MAGI2: variants seen among roughly 807,000 people sequenced by gnomAD.
MAGI2 encodes membrane associated guanylate kinase, WW and PDZ domain containing 2.
A neutral mutation model predicts 133.3 loss-of-function variants in MAGI2; 35 were observed. The ratio of observed to expected loss-of-function variants is 0.26; its 90% CI spans 0.20 to 0.35. The LOEUF (loss-of-function observed/expected upper bound fraction) is 0.35, where lower values mean the gene tolerates loss of function less well. Ranked by LOEUF, MAGI2 falls within the 10% of genes least tolerant of loss-of-function variation. MAGI2 has a pLI of 1.00. For synonymous variants in MAGI2, 729 were observed against 710.6 expected, an observed-to-expected ratio of 1.03 and a Z score of -0.41; for missense variants, 1,636 against 1,863.4, an observed-to-expected ratio of 0.88 and a Z score of 2.25.
chr7:78,344,877 A>C (rs971322336), intron 8 of MAGI2, among the ~76,000 whole-genome samples: 15 of 152,238 alleles, frequency 9.9e-5, no homozygotes, highest in Non-Finnish European at 4.4e-5. Flanking sequence ...TTAAAAAATA[A>C]TAGTCATACT....
chr7:79,437,885 C>T (rs1848250923), intron 1 of MAGI2, among the ~76,000 whole-genome samples: 1 of 152,052 alleles, frequency 6.6e-6, no homozygotes, highest in Non-Finnish European at 1.5e-5. Context: ...GAATCAATTC[C>T]ATATGCTACC....
chr7:78,742,036 G>T (rs1329248458), intron 2 of MAGI2, among the ~76,000 whole-genome samples: 3 of 151,802 alleles, frequency 2.0e-5, no homozygotes, highest in Admixed American at 2.0e-4. Flanking sequence ...CAGTAATCAG[G>T]ATCTGGAAAG....
At chr7:78,259,977 A>G (rs765253907) in intron 9 of MAGI2, among the ~76,000 whole-genome samples, 5 of 152,128 alleles carry the variant, frequency 3.3e-5, no homozygotes, top group Non-Finnish European at 7.4e-5. Flanking sequence ...ACTAACAGCA[A>G]TTTTTCAAGT....
intron 3 of MAGI2, among the ~76,000 whole-genome samples, chr7:78,593,318 G>T (rs1432693631): frequency 6.6e-6 from 1 of 151,990 alleles, no homozygotes; most frequent in African/African-American, 2.4e-5. Flanking sequence ...CGTGAACCCG[G>T]GAGGCGGAGC....
At chr7:78,274,193 TC>T (rs368184470) in intron 9 of MAGI2, among the ~76,000 whole-genome samples, 1 of 152,196 alleles carries the variant, frequency 6.6e-6, no homozygotes, top group African/African-American at 2.4e-5. Context: ...ACAGTCAGGA[TC>T]CTCTGCTGCA....
chr7:79,237,271 G>A lies in MAGI2; in HGVS notation c.301+215749C>T, dbSNP rs973805418. ...AGCACTTTGGGAGGCCGAGGCGGTGGATCACGAGGTCAGGCGATCAAGACC... is the reference window on the plus strand; with the variant it reads ...AGCACTTTGGGAGGCCGAGGCGGTGAATCACGAGGTCAGGCGATCAAGACC... On this transcript the variant is annotated intron_variant, in intron 1 of 21. Transcript: ENST00000354212. Among the ~76,000 whole-genome samples, 3 of 152,150 alleles carry A rather than the reference G, an allele frequency of 2.0e-5. No individual in the cohort carries two copies. The East Asian group carries it at 5.8e-4, about 29-fold the overall frequency.
At chr7:79,132,051 C>A (rs1365680336) in intron 1 of MAGI2, among the ~76,000 whole-genome samples, 1 of 152,048 alleles carries the variant, frequency 6.6e-6, no homozygotes, top group Non-Finnish European at 1.5e-5. Flanking sequence ...ACAAATAATA[C>A]TTTAAAACCC....
At chr7:78,704,096 T>G (rs192798544) in intron 2 of MAGI2, among the ~76,000 whole-genome samples, 24 of 152,178 alleles carry the variant, frequency 1.6e-4, no homozygotes, top group Admixed American at 1.1e-3. Context: ...ACTAAAGAGC[T>G]TCTGCATATC....
chr7:78,409,140 T>C (rs949128195), intron 6 of MAGI2, among the ~76,000 whole-genome samples: 2 of 152,092 alleles, frequency 1.3e-5, no homozygotes, highest in Admixed American at 1.3e-4. Flanking sequence ...ACAATGCTTT[T>C]TCATGATGTA....
chr7:79,311,621 A>C (rs1416324942), intron 1 of MAGI2, among the ~76,000 whole-genome samples: 2 of 151,960 alleles, frequency 1.3e-5, no homozygotes, highest in Admixed American at 1.3e-4. Context: ...CAGTTCTCAT[A>C]ACTTTACGTA....
Position 79,392,408 on chromosome 7 carries a change from G to A in MAGI2, c.301+60612C>T, listed in dbSNP as rs113969974. ...ATTACTAGGTCAAATGGTATTTCTG[G>A]TTCTAGATCCTTGAAGAATCACCAT... On this transcript the variant is annotated intron_variant, in intron 1 of 21. Coordinates refer to ENST00000354212, the MANE Select transcript of MAGI2 (RefSeq NM_012301.4). Among the ~76,000 whole-genome samples, 606 of 152,194 alleles carry A rather than the reference G, an allele frequency of 4.0e-3. 9 individuals are homozygous for A. The highest frequency in any genetic ancestry group is 0.014 in the African/African-American group (583 of 41,526).
intron 3 of MAGI2, among the ~76,000 whole-genome samples, chr7:78,586,314 GAA>G (rs1803403091): frequency 6.6e-6 from 1 of 152,150 alleles, no homozygotes; most frequent in Non-Finnish European, 1.5e-5. Context: ...TAGAAAAGTA[GAA>G]AAGACTGTGG....
chr7:78,041,902 G>C (rs578003562), intron 21 of MAGI2, among the ~76,000 whole-genome samples: 2 of 152,264 alleles, frequency 1.3e-5, no homozygotes, highest in South Asian at 4.1e-4. Context: ...GAGGTGAAGA[G>C]GTTTGGCATG....
intron 6 of MAGI2, among the ~76,000 whole-genome samples, chr7:78,460,874 T>C (rs1032839411): frequency 3.9e-5 from 6 of 152,104 alleles, no homozygotes; most frequent in African/African-American, 1.4e-4. Context: ...ATTCACTGGC[T>C]TTGGGTCTCT....
At chr7:78,653,310 A>AT (rs1289179824) in intron 2 of MAGI2, among the ~76,000 whole-genome samples, 1 of 152,226 alleles carries the variant, frequency 6.6e-6, no homozygotes, top group East Asian at 1.9e-4. Flanking sequence ...ATTATAAATC[A>AT]TTCTACTATA....
At chr7:79,378,042 A>T (rs976354231) in intron 1 of MAGI2, among the ~76,000 whole-genome samples, 17 of 151,966 alleles carry the variant, frequency 1.1e-4, no homozygotes, top group Admixed American at 1.3e-4. Context: ...AAACAGATGG[A>T]GAAGACAGAT....
intron 16 of MAGI2, among the ~76,000 whole-genome samples, chr7:78,137,013 C>CA (rs1409656987): frequency 6.6e-6 from 1 of 151,662 alleles, no homozygotes; most frequent in East Asian, 1.9e-4. Context: ...GAACACCTTA[C>CA]ATAGAGCATG....
At chr7:78,934,162 T>A (rs1800344665) in intron 2 of MAGI2, among the ~76,000 whole-genome samples, 1 of 152,118 alleles carries the variant, frequency 6.6e-6, no homozygotes, top group African/African-American at 2.4e-5. Flanking sequence ...AGTGCAATGG[T>A]GCAATCTCAG....
chr7:78,348,158 T>C (rs1196856157), intron 7 of MAGI2, among the ~76,000 whole-genome samples: 1 of 152,204 alleles, frequency 6.6e-6, no homozygotes. Flanking sequence ...AGTGACCCTC[T>C]ATCAGACCTC....
Sources: gnomAD v4.1 joint callset for allele counts (sites outside exome capture counted in the v4.1 genomes callset) on GRCh38, gnomAD v4.1.1 for gene constraint, MANE v1.5 for transcripts, NCBI Gene and HGNC (gene_info 2026-07-23, HGNC 2026-07-21) for gene names.